The following PTPRD variants were observed in gnomAD, a reference collection of about 807,000 sequenced individuals.
PTPRD encodes receptor-type tyrosine-protein phosphatase delta.
A neutral mutation model predicts 214.5 loss-of-function variants in PTPRD; 34 were observed. The ratio of observed to expected loss-of-function variants is 0.16; its 90% CI spans 0.12 to 0.21. The LOEUF (loss-of-function observed/expected upper bound fraction) is 0.21. Ranked by LOEUF, PTPRD falls within the 10% of genes least tolerant of loss-of-function variation. The pLI is 1.00. For synonymous variants in PTPRD, 1,128 were observed against 845.7 expected, an observed-to-expected ratio of 1.33 and a Z score of -5.79; for missense variants, 2,545 against 2,398.7, an observed-to-expected ratio of 1.06 and a Z score of -1.27.
At chr9:9,406,447 A>G (rs1401400859) in intron 8 of PTPRD, among the ~76,000 whole-genome samples, 1 of 151,924 alleles carries the variant, frequency 6.6e-6, no homozygotes, top group Non-Finnish European at 1.5e-5. Context: ...TTCAAGAAAT[A>G]TTAAGAAAAG....
chr9:8,725,606 T>C (rs1289260193), intron 12 of PTPRD, among the ~76,000 whole-genome samples: 1 of 152,088 alleles, frequency 6.6e-6, no homozygotes, highest in African/African-American at 2.4e-5. Context: ...CACAAACTAA[T>C]GAGAAAAAAA....
intron 4 of PTPRD, among the ~76,000 whole-genome samples, chr9:10,025,706 A>C (rs1024128551): frequency 1.3e-5 from 2 of 152,202 alleles, no homozygotes; most frequent in Admixed American, 6.5e-5. Flanking sequence ...GAAAATAAGA[A>C]ATTGGATGAT....
chr9:10,340,905 T>G (rs780038102), intron 3 of PTPRD, 58 bp downstream of exon 3: 1 of 151,980 alleles, frequency 6.6e-6, no homozygotes, highest in Non-Finnish European at 1.5e-5. Flanking sequence ...GCTATTATTA[T>G]GCAATGGATA....
At chr9:9,341,991 TAG>T (rs1189056123) in intron 9 of PTPRD, among the ~76,000 whole-genome samples, 1 of 151,988 alleles carries the variant, frequency 6.6e-6, no homozygotes, top group Non-Finnish European at 1.5e-5. Context: ...ATATTTTTAG[TAG>T]AGACAGGATT....
chr9:8,832,845 T>C (rs1265525107), intron 11 of PTPRD, among the ~76,000 whole-genome samples: 1 of 152,072 alleles, frequency 6.6e-6, no homozygotes, highest in African/African-American at 2.4e-5. Flanking sequence ...TGAGGCTTCA[T>C]TTTTTCATAA....
intron 4 of PTPRD, among the ~76,000 whole-genome samples, chr9:9,996,828 C>A (rs1046598179): frequency 2.0e-5 from 3 of 152,106 alleles, no homozygotes; most frequent in African/African-American, 7.2e-5. Context: ...TTAAGAAGAA[C>A]AACAAGACAA....
intron 7 of PTPRD, among the ~76,000 whole-genome samples, chr9:9,699,123 A>G (rs1394068249): frequency 6.6e-6 from 1 of 152,218 alleles, no homozygotes; most frequent in African/African-American, 2.4e-5. Context: ...TTCTAAAAAA[A>G]GAACTGATAA....
intron 9 of PTPRD, among the ~76,000 whole-genome samples, chr9:9,273,003 T>A (rs1248436663): frequency 2.0e-5 from 3 of 151,340 alleles, no homozygotes; most frequent in Non-Finnish European, 4.4e-5. Flanking sequence ...TCTTTGTGAT[T>A]TCTATGGATA....
At chr9:8,776,198 G>C (rs568172010) in intron 11 of PTPRD, among the ~76,000 whole-genome samples, 85 of 152,272 alleles carry the variant, frequency 5.6e-4, no homozygotes, top group African/African-American at 1.8e-3. Context: ...CAGTGAAAAG[G>C]TGAGATTGGA....
chr9:8,449,671 C>A (rs1009216905), intron 34 of PTPRD, 54 bp downstream of exon 34: 1 of 1,494,738 alleles, frequency 6.7e-7, no homozygotes, highest in Non-Finnish European at 9.3e-7. Flanking sequence ...ATCAATTGAG[C>A]TGTACAACTT....
intron 14 of PTPRD, among the ~76,000 whole-genome samples, chr9:8,570,715 C>T (rs1045591844): frequency 1.3e-5 from 2 of 152,034 alleles, no homozygotes; most frequent in Admixed American, 1.3e-4. Context: ...TACAGATCTG[C>T]TCTTAAAATA....
At chr9:9,590,359 T>G (rs1320451428) in intron 7 of PTPRD, among the ~76,000 whole-genome samples, 1 of 152,034 alleles carries the variant, frequency 6.6e-6, no homozygotes, top group East Asian at 1.9e-4. Context: ...GGGTACTTAA[T>G]AAATGTTTAT....
chr9:8,538,680 C>CAT (rs58807560), intron 14 of PTPRD, among the ~76,000 whole-genome samples: 1 of 150,954 alleles, frequency 6.6e-6, no homozygotes, highest in Non-Finnish European at 1.5e-5. Context: ...TATATGTATA[C>CAT]ATATATATAT....
At position 9,616,446 on chromosome 9, in the gene PTPRD, C is replaced by G. The variant is rs192477550; in HGVS notation, c.-286-41665G>C. ...AAGACAATGCATCTAGGATACGACC[C>G]CACTTTCCAAATACATAAAGTTGTT... On this transcript the variant is annotated intron_variant, in intron 7 of 45. Transcript: ENST00000381196. 3.6e-4 allele frequency among the ~76,000 whole-genome samples: 54 copies of G among 151,924 alleles called. No homozygotes were observed. The East Asian group carries it at 8.7e-3, about 24-fold the overall frequency.
Position 9,990,823 on chromosome 9 carries a change from C to T in PTPRD, c.-472+42895G>A, listed in dbSNP as rs527337458. ...TACATTAGAGAGGATGTGCTCACCACATTAGATACTGTCCACTCTATGAGG... is the reference window on the plus strand; with the variant it reads ...TACATTAGAGAGGATGTGCTCACCATATTAGATACTGTCCACTCTATGAGG... On this transcript the variant is annotated intron_variant, in intron 4 of 45. Transcript: ENST00000381196. Among the ~76,000 whole-genome samples the T allele has an allele frequency of 2.6e-5, 4 of 152,194 alleles. No homozygotes were observed. In the South Asian group the frequency reaches 8.3e-4, roughly 32 times the overall value.
chr9:8,320,674 C>T (rs1826477410), intron 44 of PTPRD, among the ~76,000 whole-genome samples: 1 of 152,028 alleles, frequency 6.6e-6, no homozygotes, highest in Non-Finnish European at 1.5e-5. Context: ...TGGTTAAGAG[C>T]CATTGATCTC....
chr9:10,306,926 C>T (rs1200664543), intron 3 of PTPRD, among the ~76,000 whole-genome samples: 1 of 152,012 alleles, frequency 6.6e-6, no homozygotes, highest in Non-Finnish European at 1.5e-5. Context: ...GAAACACAAG[C>T]AATTCATTTT....
intron 35 of PTPRD, among the ~76,000 whole-genome samples, chr9:8,418,333 G>A (rs1189956897): frequency 6.6e-6 from 1 of 151,646 alleles, no homozygotes; most frequent in African/African-American, 2.4e-5. Context: ...TTCCATGTGT[G>A]CCACTATCAT....
intron 8 of PTPRD, among the ~76,000 whole-genome samples, chr9:9,486,640 G>C (rs7468626): frequency 1.3e-4 from 20 of 151,464 alleles, no homozygotes; most frequent in African/African-American, 4.6e-4. Flanking sequence ...ACCATATTCC[G>C]TCTACAAACA....
Sources: allele counts gnomAD v4.1 joint callset (sites outside exome capture counted in the v4.1 genomes callset), GRCh38; gene constraint gnomAD v4.1.1; transcripts MANE v1.5; gene names NCBI Gene and HGNC (gene_info 2026-07-23, HGNC 2026-07-21).